Variants in CGNL1 observed in about 807,000 individuals in gnomAD.
CGNL1 encodes cingulin-like protein 1.
CGNL1 carries 132 observed loss-of-function variants against 141.2 expected under a neutral mutation model. The ratio of observed to expected loss-of-function variants is 0.93; its 90% CI spans 0.81 to 1.08. The LOEUF is 1.08. CGNL1 is among the 50% of genes least tolerant of loss of function. The probability of loss-of-function intolerance (pLI) is 0.00; values close to 1 mark genes in which losing one functional copy is unlikely to be tolerated. For missense variants in CGNL1, 1,870 were observed against 1,588.6 expected, an observed-to-expected ratio of 1.18 and a Z score of -3.01; for synonymous variants, 690 against 622.1, an observed-to-expected ratio of 1.11 and a Z score of -1.63.
At chr15:57,458,677 C>T (rs1374527687) in intron 7 of CGNL1, among the ~76,000 whole-genome samples, 1 of 152,184 alleles carries the variant, frequency 6.6e-6, no homozygotes, top group Non-Finnish European at 1.5e-5. Flanking sequence ...GCAGGAGGTT[C>T]CAGGAAGCCC....
Position 57,439,298 on chromosome 15 carries a change from G to A in CGNL1, c.1299G>A (p.Glu433=), listed in dbSNP as rs2063152279. The change falls in exon 2 of 19, where the codon GAG becomes GAA. Residue 433 remains glutamate (E), a synonymous_variant. Transcript: ENST00000281282. The part of the protein sequence containing the change: ...QVCPQRPLSQ[E]RRGKQSVGRT... ...GCCCGCAGCGGCCACTGTCTCAGGA[G>A]CGCCGTGGGAAACAGAGCGTGGGCC... 1 of 1,614,098 alleles carries A rather than the reference G, an allele frequency of 6.2e-7. No homozygotes were observed. Among genetic ancestry groups the A allele is most frequent in the South Asian group, 1.1e-5 (1 of 91,090 alleles).
In CGNL1 at chr15:57,547,532, A is replaced by G. The variant is rs757407009; in HGVS notation, c.*42A>G. 5.6e-6 allele frequency: 9 copies of G among 1,596,782 alleles called. No homozygotes were observed. The highest frequency in any genetic ancestry group is 7.7e-6 in the Non-Finnish European group (9 of 1,170,852). On this transcript the variant is annotated 3_prime_UTR_variant, in exon 19 of 19. Coordinates refer to ENST00000281282, the MANE Select transcript of CGNL1 (RefSeq NM_032866.5). ...TGGAAGTACCTGTCATTCCTGCAGG[A>G]GCTGCAGCCACCCAAAGTGGGAGGC...
At chr15:57,404,484 C>T (rs1010355024) in intron 1 of CGNL1, among the ~76,000 whole-genome samples, 2 of 152,304 alleles carry the variant, frequency 1.3e-5, no homozygotes, top group East Asian at 3.9e-4. Flanking sequence ...GTTGAAGGTG[C>T]TTATTGAAAA....
chr15:57,544,974 C>T (rs923279364), intron 16 of CGNL1, among the ~76,000 whole-genome samples: 3 of 152,198 alleles, frequency 2.0e-5, no homozygotes, highest in Non-Finnish European at 4.4e-5. Context: ...CCCTGGCGGC[C>T]AGGTGTATTT....
chr15:57,433,300 G>C (rs1160939793), intron 1 of CGNL1, among the ~76,000 whole-genome samples: 1 of 152,220 alleles, frequency 6.6e-6, no homozygotes, highest in Non-Finnish European at 1.5e-5. Flanking sequence ...TTAGTATTGA[G>C]TTGTTTTATG....
intron 4 of CGNL1, among the ~76,000 whole-genome samples, chr15:57,443,850 C>T (rs2063220442): frequency 6.6e-6 from 1 of 152,170 alleles, no homozygotes; most frequent in South Asian, 2.1e-4. Context: ...TGGAATCTCA[C>T]CGGCTGTTAC....
At chr15:57,521,538 C>G (rs2031254261) in intron 10 of CGNL1, among the ~76,000 whole-genome samples, 1 of 152,168 alleles carries the variant, frequency 6.6e-6, no homozygotes, top group Non-Finnish European at 1.5e-5. Context: ...TCTCCCTTGC[C>G]TTTACGGAGC....
intron 1 of CGNL1, among the ~76,000 whole-genome samples, chr15:57,405,621 G>T (rs2152259747): frequency 6.6e-6 from 1 of 152,278 alleles, no homozygotes; most frequent in East Asian, 1.9e-4. Context: ...TGAGAAGGCA[G>T]TTCATTCATA....
At chr15:57,474,604 C>A (rs559229742) in intron 8 of CGNL1, among the ~76,000 whole-genome samples, 1 of 152,272 alleles carries the variant, frequency 6.6e-6, no homozygotes, top group South Asian at 2.1e-4. Context: ...GTTTTAAACC[C>A]AGCTTTGTCA....
At chr15:57,401,098 A>G (rs1288936489) in intron 1 of CGNL1, among the ~76,000 whole-genome samples, 1 of 151,916 alleles carries the variant, frequency 6.6e-6, no homozygotes, top group Non-Finnish European at 1.5e-5. Context: ...TGATTTTTGT[A>G]TTTTTAAAAA....
chr15:57,539,067 G>C (rs995307952), intron 14 of CGNL1, among the ~76,000 whole-genome samples: 1 of 151,994 alleles, frequency 6.6e-6, no homozygotes, highest in African/African-American at 2.4e-5. Flanking sequence ...TTGATTCTTG[G>C]TGTTTCCCCT....
At chr15:57,442,289 T>C (rs2063199290) in intron 3 of CGNL1, 84 bp from the exon 4 acceptor site, 1 of 744,530 alleles carries the variant, frequency 1.3e-6, no homozygotes, top group African/African-American at 1.8e-5. Flanking sequence ...TTAAAGGACC[T>C]GTTGGGTGTG....
chr15:57,543,459 C>T (rs1025318665), intron 14 of CGNL1, among the ~76,000 whole-genome samples: 3 of 152,186 alleles, frequency 2.0e-5, no homozygotes, highest in African/African-American at 4.8e-5. Flanking sequence ...CAACCCCTAA[C>T]AGCAGGGCTA....
chr15:57,470,614 G>A (rs1467322312), intron 8 of CGNL1, among the ~76,000 whole-genome samples: 2 of 152,186 alleles, frequency 1.3e-5, no homozygotes, highest in African/African-American at 4.8e-5. Flanking sequence ...ACAAAGATAT[G>A]CTGGTTTATC....
intron 1 of CGNL1, among the ~76,000 whole-genome samples, chr15:57,410,752 A>C (rs767352172): frequency 1.3e-5 from 2 of 152,228 alleles, no homozygotes; most frequent in Non-Finnish European, 2.9e-5. Context: ...TCTCATGCTT[A>C]TGAGGAGTGC....
intron 1 of CGNL1, among the ~76,000 whole-genome samples, chr15:57,416,185 G>A (rs56707735): frequency 0.11 from 15,618 of 141,908 alleles, 926 homozygotes; most frequent in South Asian, 0.2. Flanking sequence ...CCCTCTTTTC[G>A]ATTTGCTCAG....
intron 1 of CGNL1, among the ~76,000 whole-genome samples, chr15:57,434,412 A>C (rs2063080118): frequency 6.6e-6 from 1 of 152,214 alleles, no homozygotes; most frequent in African/African-American, 2.4e-5. Context: ...TAGATGCAGA[A>C]ACCAAGAACA....
chr15:57,459,152 C>T (rs2063415968), intron 7 of CGNL1, among the ~76,000 whole-genome samples: 1 of 152,184 alleles, frequency 6.6e-6, no homozygotes, highest in South Asian at 2.1e-4. Context: ...CCCAGGGGTT[C>T]CAAGAAAACA....
chr15:57,480,343 C>T (rs1330334662), intron 8 of CGNL1, among the ~76,000 whole-genome samples: 2 of 135,082 alleles, frequency 1.5e-5, no homozygotes, highest in Non-Finnish European at 3.0e-5. Context: ...CATAGTAAAA[C>T]CCTGTCTCTA....
Sources: gnomAD v4.1 joint callset for allele counts (sites outside exome capture counted in the v4.1 genomes callset) on GRCh38, gnomAD v4.1.1 for gene constraint, MANE v1.5 for transcripts, NCBI Gene and HGNC (gene_info 2026-07-23, HGNC 2026-07-21) for gene names.